The following NECTIN3 variants were observed in gnomAD, a reference collection of about 807,000 sequenced individuals.
NECTIN3 encodes nectin cell adhesion molecule 3.
A neutral mutation model predicts 49.4 loss-of-function variants in NECTIN3; 8 were observed. The observed-to-expected ratio is 0.16, with a 90% CI of 0.10 to 0.29. The LOEUF is 0.29. Ranked by LOEUF, NECTIN3 falls within the 10% of genes least tolerant of loss-of-function variation. The pLI, the probability that NECTIN3 is intolerant of heterozygous loss-of-function variation, is 1.00. For missense variants in NECTIN3, 581 were observed against 654.6 expected (o/e 0.89, Z 1.23); for synonymous variants, 277 against 241.1 (o/e 1.15, Z -1.38).
At chr3:111,079,211 T>G (rs1166564593) in intron 1 of NECTIN3, among the ~76,000 whole-genome samples, 1 of 152,088 alleles carries the variant, frequency 6.6e-6, no homozygotes, top group East Asian at 1.9e-4. Flanking sequence ...CTGAAAATCT[T>G]AGGCCCTAGT....
intron 7 of NECTIN3, among the ~76,000 whole-genome samples, chr3:111,161,455 G>T (rs1277152370): frequency 6.6e-6 from 1 of 152,142 alleles, no homozygotes; most frequent in Non-Finnish European, 1.5e-5. Flanking sequence ...ACCTTCTGGA[G>T]CAGGGGTCCC....
chr3:111,087,813 TCAGTCTCCTGAGTAGCTGGGATTA>T (rs1208303777), intron 1 of NECTIN3, among the ~76,000 whole-genome samples: 5 of 151,994 alleles, frequency 3.3e-5, no homozygotes, highest in African/African-American at 1.2e-4. Flanking sequence ...TTCTCTTGCC[TCAGTCTCCTGAGTAGCTGGGATTA>T]CAGGCGCCCG....
Position 111,185,682 on chromosome 3 carries a change from TG to T in NECTIN3, c.1222-6667del, listed in dbSNP as rs138641303. On this transcript the variant is annotated intron_variant, in intron 7 of 8. Transcript: ENST00000493615. ...ACAAAAGGAAGAAGTAAGAAGGTCA[TG>T]GAACAAAGACTCTGCAGAGAAAATG... Among the ~76,000 whole-genome samples, 1,513 of 152,302 alleles carry T rather than the reference TG, an allele frequency of 9.9e-3. 18 individuals are homozygous for T. The highest frequency in any genetic ancestry group is 0.016 in the Non-Finnish European group (1,061 of 68,014).
chr3:111,118,507 T>C lies in NECTIN3; in HGVS notation c.503-149T>C, dbSNP rs533699592. ...ATGATCTTTTGTTTTTCCAAGAATG[T>C]AATTGACGATGGCATTACCTAAAAA... On this transcript the variant is annotated intron_variant, in intron 2 of 5. Transcript: ENST00000485303. The C allele has an allele frequency of 1.6e-4, 109 of 669,370 alleles. 1 individual carries two copies. The South Asian group carries it at 1.7e-3, about 10-fold the overall frequency. 41.5% of individuals were successfully genotyped at this position (669,370 alleles called of 1,614,324 possible). A position where few individuals can be genotyped will look rare whatever the true frequency, so the allele number is the denominator to read the frequency against.
At chr3:111,163,279 T>G (rs1457916149) in intron 7 of NECTIN3, among the ~76,000 whole-genome samples, 1 of 152,180 alleles carries the variant, frequency 6.6e-6, no homozygotes, top group Admixed American at 6.5e-5. Context: ...CTGAGGTGCA[T>G]GTTCCCAGAG....
chr3:111,110,801 T>C (rs1168457084), intron 1 of NECTIN3, among the ~76,000 whole-genome samples: 2 of 152,092 alleles, frequency 1.3e-5, no homozygotes, highest in East Asian at 3.9e-4. Context: ...AGTCCCTTAT[T>C]GTGAGATCCT....
chr3:111,100,805 A>G (rs1187667769), intron 1 of NECTIN3, among the ~76,000 whole-genome samples: 1 of 149,942 alleles, frequency 6.7e-6, no homozygotes, highest in Non-Finnish European at 1.5e-5. Flanking sequence ...GAATGGAAAG[A>G]GTAGAATCTG....
chr3:111,115,433 C>A (rs916108047), intron 2 of NECTIN3, among the ~76,000 whole-genome samples: 1 of 152,184 alleles, frequency 6.6e-6, no homozygotes, highest in Admixed American at 6.5e-5. Flanking sequence ...CTATTCTCAG[C>A]CCCTTGCTGT....
At position 111,133,635 on chromosome 3, in the gene NECTIN3, A is replaced by C. The variant is rs750282632; in HGVS notation, c.1070A>C (p.Asp357Ala). The change falls in exon 6 of 6, where the codon GAT becomes GCT. Residue 357 changes from aspartate to alanine, a missense_variant and splice_region_variant. This residue lies in a region of NECTIN3 where 238 missense variants were observed against 244.9 expected (regional missense o/e 0.97). Transcript: ENST00000485303. ...TCTCTATCTTTACTGTTTCCATTAG[A>C]TCCTCCTACTACTACCACCCTTCAG... ...RSDQKVIYIS[D>A]PPTTTTLQPT... The C allele has an allele frequency of 6.2e-7, 1 of 1,611,188 alleles. No homozygotes were observed. The highest frequency in any genetic ancestry group is 1.7e-5 in the Admixed American group (1 of 59,724).
chr3:111,139,974 G>T, downstream of NECTIN3, among the ~76,000 whole-genome samples: 1 of 151,432 alleles, frequency 6.6e-6, no homozygotes, highest in South Asian at 2.1e-4. Flanking sequence ...AAACATTTTT[G>T]GTAAAACTAC....
intron 1 of NECTIN3, among the ~76,000 whole-genome samples, chr3:111,082,205 G>A (rs955647701): frequency 6.6e-6 from 1 of 152,162 alleles, no homozygotes; most frequent in African/African-American, 2.4e-5. Context: ...AATCAATCCA[G>A]TAAGGTTTCA....
At chr3:111,193,625 A>G in intron 1 of NECTIN3, 1 of 484,296 alleles carries the variant, frequency 2.1e-6, no homozygotes, top group Admixed American at 3.4e-5. Context: ...ATGGTATTTA[A>G]CTGCTAACAT....
Position 111,135,636 on chromosome 3 carries a change from A to G in NECTIN3, c.*1421A>G, listed in dbSNP as rs926244159. ...TGAAGTGGAAGTTAGTAGGAGAATC[A>G]TAAATTAAATATATTATTTTGTTAA... is the stretch of plus-strand genomic sequence containing the variant. On this transcript the variant is annotated 3_prime_UTR_variant, in exon 6 of 6. Coordinates refer to ENST00000485303, the MANE Select transcript of NECTIN3 (RefSeq NM_015480.3). 4.2e-6 allele frequency: 4 copies of G among 962,876 alleles called. No individual in the cohort carries two copies. In the South Asian group the frequency reaches 1.9e-4, roughly 46 times the overall value. The allele number at this position is 962,876 out of a possible 1,614,324, so 59.6% of individuals were successfully genotyped here.
At chr3:111,072,290 A>C (rs1034077374) in intron 1 of NECTIN3, 113 bp downstream of exon 1, 5 of 1,450,842 alleles carry the variant, frequency 3.4e-6, no homozygotes, top group Non-Finnish European at 4.5e-6. Context: ...TGGTTGTGCG[A>C]GCGAGTGCCG....
intron 7 of NECTIN3, among the ~76,000 whole-genome samples, chr3:111,149,730 T>C (rs954786203): frequency 6.6e-6 from 1 of 151,952 alleles, no homozygotes; most frequent in Non-Finnish European, 1.5e-5. Context: ...TTTTTTACAT[T>C]TCTTAGGAAT....
chr3:111,184,283 G>A (rs2035680777), intron 7 of NECTIN3, among the ~76,000 whole-genome samples: 1 of 151,968 alleles, frequency 6.6e-6, no homozygotes. Flanking sequence ...GTTTTTCTCT[G>A]CTAATTTCAT....
intron 7 of NECTIN3, among the ~76,000 whole-genome samples, chr3:111,167,253 A>C (rs1044521366): frequency 6.6e-6 from 1 of 152,252 alleles, no homozygotes; most frequent in Non-Finnish European, 1.5e-5. Context: ...AAAGACTAGC[A>C]GACTAGTTGG....
In NECTIN3 at chr3:111,112,252, T is replaced by C; in HGVS notation, c.383T>C (p.Leu128Pro). The C allele has an allele frequency of 6.2e-7, 1 of 1,613,636 alleles. No homozygotes were observed. Among genetic ancestry groups the C allele is most frequent in the Non-Finnish European group, 8.5e-7 (1 of 1,179,642 alleles). ...QGRVLFKNYSLNDATITLHNI... is the reference protein window; with the variant it reads ...QGRVLFKNYSPNDATITLHNI... ...AGAGTCTTGTTTAAAAATTACTCAC[T>C]TAATGATGCAACAATTACTCTGCAT... The change falls in exon 2 of 6, where the codon CTT becomes CCT. Residue 128 changes from leucine to proline, a missense_variant. Leu to Pro is a moderately conservative substitution (Grantham distance 98). This residue lies in a region of NECTIN3 where 234 missense variants were observed against 340.6 expected (regional missense o/e 0.69). Transcript: ENST00000485303.
chr3:111,133,652 A>G lies in NECTIN3; in HGVS notation c.1087A>G (p.Thr363Ala). ...IYISDPPTTT[T>A]LQPTIQWHPS... ...TCCATTAGATCCTCCTACTACTACC[A>G]CCCTTCAGCCTACAATTCAGTGGCA... The change falls in exon 6 of 6, where the codon ACC (threonine) becomes GCC (alanine). Residue 363 changes from threonine to alanine, a missense_variant. Transcript: ENST00000485303. The G allele has an allele frequency of 6.2e-7, 1 of 1,613,214 alleles. No homozygotes were observed.
Sources: allele counts gnomAD v4.1 joint callset (sites outside exome capture counted in the v4.1 genomes callset), GRCh38; gene constraint gnomAD v4.1.1; regional missense constraint gnomAD v4.1.1; transcripts MANE v1.5; gene names NCBI Gene and HGNC (gene_info 2026-07-23, HGNC 2026-07-21).